Variants in PDIA6 observed in about 807,000 individuals in gnomAD.
PDIA6 encodes protein disulfide isomerase family A member 6.
In PDIA6, 29 loss-of-function variants were observed where a neutral mutation model predicts 58.4. The observed-to-expected ratio is 0.50, with a 90% confidence interval of 0.37 to 0.68. The LOEUF is 0.68. PDIA6 is among the 30% of genes least tolerant of loss of function. The pLI is 0.00. For missense variants in PDIA6, 480 were observed against 551.0 expected (o/e 0.87, Z 1.29); for synonymous variants, 192 against 202.6 (o/e 0.95, Z 0.44).
intron 1 of PDIA6, among the ~76,000 whole-genome samples, chr2:10,826,532 G>A (rs904315753): frequency 6.6e-6 from 1 of 152,060 alleles, no homozygotes; most frequent in Non-Finnish European, 1.5e-5. Flanking sequence ...GCTAATTTTT[G>A]TATTTTTAGT....
intron 4 of PDIA6, 34 bp from the exon 5 acceptor site, chr2:10,793,236 C>T (rs202223302): frequency 1.7e-5 from 25 of 1,485,700 alleles, no homozygotes; most frequent in African/African-American, 5.5e-5. Flanking sequence ...GTCCTCAGCC[C>T]GGCCTTCAGC....
In PDIA6 at chr2:10,798,570, A is replaced by AC. The variant is rs760533578; in HGVS notation, c.162-814dup. 1.9e-4 allele frequency among the ~76,000 whole-genome samples: 12 copies of AC among 63,686 alleles called. No individual in the cohort carries two copies. In the South Asian group the frequency reaches 5.2e-3, roughly 28 times the overall value. The allele number at this position is 63,686 out of a possible 152,430, so 41.8% of individuals were successfully genotyped here. Reference sequence around the variant, plus strand: ...GCAACACAGCAAGACTCTGTCCCCCACCCAAAAAAAAAAAAAAAAGCTTCC... The same window carrying AC: ...GCAACACAGCAAGACTCTGTCCCCCACCCCAAAAAAAAAAAAAAAAGCTTCC... On this transcript the variant is annotated intron_variant, in intron 2 of 12. Transcript: ENST00000272227.
At chr2:10,794,385 G>A (rs970863849) in intron 4 of PDIA6, among the ~76,000 whole-genome samples, 3 of 150,442 alleles carry the variant, frequency 2.0e-5, no homozygotes, top group Admixed American at 6.6e-5. Flanking sequence ...GACGGAGGCT[G>A]CAGTGAGCTG....
At position 10,788,915 on chromosome 2, in the gene PDIA6, G is replaced by C. The variant is rs141048777; in HGVS notation, c.907C>G (p.Pro303Ala). ...GTCTTACCAGTATCAAGGATATGGG[G>C]CAGCACAGCCACAACACAGAGCTGG... ...EHQLCVVAVL[P>A]HILDTGAAGR... The change falls in exon 9 of 13, where the codon CCC becomes GCC. Residue 303 changes from proline to alanine, a missense_variant. Transcript: ENST00000272227. 5.8e-5 allele frequency: 93 copies of C among 1,613,598 alleles called. No individual in the cohort carries two copies. The highest frequency in any genetic ancestry group is 1.7e-4 in the Admixed American group (10 of 60,030).
In PDIA6 at chr2:10,822,626, C is replaced by A. The variant is rs148053370; in HGVS notation, c.-47-3272G>T. Among the ~76,000 whole-genome samples, 900 of 152,312 alleles carry A rather than the reference C, an allele frequency of 5.9e-3. 10 individuals are homozygous for A. Among genetic ancestry groups the A allele is most frequent in the African/African-American group, 0.021 (857 of 41,566 alleles). On this transcript the variant is annotated intron_variant, in intron 1 of 13. Transcript: ENST00000381611. ...AGTGGGCTCGTGCTCCTTAGTGGGA[C>A]TCATTGATAAGGAGGCACTTAGTAG...
chr2:10,794,138 G>C (rs111324833), intron 4 of PDIA6, among the ~76,000 whole-genome samples: 70 of 152,252 alleles, frequency 4.6e-4, no homozygotes, highest in Middle Eastern at 3.4e-3. Context: ...AGATCTAATA[G>C]AATCTCTTTA....
chr2:10,813,948 C>A (rs1667112689), upstream of PDIA6, among the ~76,000 whole-genome samples: 1 of 152,126 alleles, frequency 6.6e-6, no homozygotes, highest in Non-Finnish European at 1.5e-5. Flanking sequence ...TGGTCTCGAA[C>A]TCCCGACCTC....
upstream of PDIA6, among the ~76,000 whole-genome samples, chr2:10,816,392 A>ATTT (rs11457276): frequency 0.11 from 15,240 of 144,534 alleles, 959 homozygotes; most frequent in African/African-American, 0.14. Flanking sequence ...GGCCTGTATC[A>ATTT]TTTTTTTTTT....
chr2:10,817,588 G>A (rs115107245), upstream of PDIA6, among the ~76,000 whole-genome samples: 732 of 152,306 alleles, frequency 4.8e-3, 4 homozygotes, highest in African/African-American at 0.017. Context: ...CCCGGTGGGC[G>A]CCCAAGGCCT....
intron 1 of PDIA6, chr2:10,822,990 T>C (rs1667444442): frequency 6.6e-6 from 1 of 152,258 alleles, no homozygotes. Context: ...CCATGGCTTA[T>C]CTGGGGCCAA....
rs1004658621 is a variant in PDIA6 at position 10,790,849 on chromosome 2, C to A, written c.585-16G>T. On this transcript the variant is annotated splice_polypyrimidine_tract_variant and intron_variant, in intron 6 of 12. Transcript: ENST00000272227. ...TGGCTCTAGGCTATAGAAAAATATT[C>A]GTTTTGTTTTGTTTCTTTGAGACAC... 1.3e-6 allele frequency: 2 copies of A among 1,592,964 alleles called. No homozygotes were observed. Among genetic ancestry groups the A allele is most frequent in the South Asian group, 2.2e-5 (2 of 90,604 alleles).
chr2:10,786,918 C>T (rs10185558), intron 11 of PDIA6, among the ~76,000 whole-genome samples: 12,441 of 152,118 alleles, frequency 0.082, 1,724 homozygotes, highest in African/African-American at 0.29. Context: ...ACCACATTTC[C>T]CCAAGGTCAA....
chr2:10,810,345 G>A (rs1666951733), intron 1 of PDIA6: 4 of 1,520,608 alleles, frequency 2.6e-6, no homozygotes, highest in Non-Finnish European at 2.6e-6. Flanking sequence ...GGCAGAATTA[G>A]GTACTTTCAC....
At position 10,792,049 on chromosome 2, in the gene PDIA6, G is replaced by C. The variant is rs551446201; in HGVS notation, c.454-124C>G. 6.5e-5 allele frequency: 66 copies of C among 1,023,230 alleles called. No homozygotes were observed. The African/African-American group carries it at 9.4e-4, about 15-fold the overall frequency. The allele number at this position is 1,023,230 out of a possible 1,614,324, so 63.4% of individuals were successfully genotyped here. On this transcript the variant is annotated intron_variant, in intron 5 of 12. Transcript: ENST00000272227. ...GGGTTTTTCTTTAGTGAATAAAATA[G>C]TGAAAACGGTTGTATTCAAATTGGG...
At position 10,792,542 on chromosome 2, in the gene PDIA6, A is replaced by T. The variant is rs532919949; in HGVS notation, c.453+554T>A. On this transcript the variant is annotated intron_variant, in intron 5 of 12. Coordinates refer to ENST00000272227, the MANE Select transcript of PDIA6 (RefSeq NM_005742.4). ...GAAGCTAGTGTAACTGGTCTCCTAA[A>T]AGTAAAAGCCCATTTAATATTGATA... Among the ~76,000 whole-genome samples the T allele has an allele frequency of 1.0e-3, 156 of 152,342 alleles. 1 individual carries two copies. Among genetic ancestry groups the T allele is most frequent in the African/African-American group, 3.4e-3 (143 of 41,574 alleles).
At chr2:10,809,622 G>A (rs576973993) in intron 1 of PDIA6, among the ~76,000 whole-genome samples, 4 of 129,972 alleles carry the variant, frequency 3.1e-5, no homozygotes, top group African/African-American at 1.2e-4. Context: ...CTTGAGCCTG[G>A]GAGGCAGAGC....
At chr2:10,819,804 A>G (rs1269260960) in intron 1 of PDIA6, among the ~76,000 whole-genome samples, 1 of 152,056 alleles carries the variant, frequency 6.6e-6, no homozygotes, top group Admixed American at 6.5e-5. Context: ...CTTACCTACA[A>G]CTTTCCCTTC....
rs557042586 is a variant in PDIA6 at position 10,799,927 on chromosome 2, A to C, written c.162-2170T>G. Among the ~76,000 whole-genome samples, 555 of 150,748 alleles carry C rather than the reference A, an allele frequency of 3.7e-3. 1 individual carries two copies. Among genetic ancestry groups the C allele is most frequent in the Non-Finnish European group, 6.3e-3 (424 of 67,566 alleles). The stretch of plus-strand genomic sequence containing the variant: ...GGAAAAAAAAGAAAAAAAAAAAAAA[A>C]GAATAAATCTGAAGCCAAGGTGGCC... On this transcript the variant is annotated intron_variant, in intron 2 of 12. Coordinates refer to ENST00000272227, the MANE Select transcript of PDIA6 (RefSeq NM_005742.4).
chr2:10,797,289 C>T (rs1314535369), intron 3 of PDIA6, 82 bp from the exon 4 acceptor site: 4 of 1,390,670 alleles, frequency 2.9e-6, no homozygotes, highest in Non-Finnish European at 2.9e-6. Flanking sequence ...TTCACATAGA[C>T]TCAGAAAAAG....
Sources: allele counts gnomAD v4.1 joint callset (sites outside exome capture counted in the v4.1 genomes callset), GRCh38; gene constraint gnomAD v4.1.1; transcripts MANE v1.5; gene names NCBI Gene and HGNC (gene_info 2026-07-23, HGNC 2026-07-21).